Variants in TMEM255A observed in about 807,000 individuals in gnomAD.
The protein encoded by TMEM255A is family with sequence similarity 70, member A.
TMEM255A carries 14 observed loss-of-function variants against 23.5 expected under a neutral mutation model. The observed-to-expected ratio is 0.60, with a 90% confidence interval of 0.39 to 0.93. The LOEUF is 0.93. TMEM255A is among the 40% of genes least tolerant of loss of function. The probability of loss-of-function intolerance (pLI) is 0.00; values close to 1 mark genes in which losing one functional copy is unlikely to be tolerated. For synonymous variants in TMEM255A, 104 were observed against 100.3 expected, an observed-to-expected ratio of 1.04 and a Z score of -0.22; for missense variants, 233 against 261.7, an observed-to-expected ratio of 0.89 and a Z score of 0.76.
intron 3 of TMEM255A, 27 bp from the exon 4 acceptor site, chrX:120,291,367 T>C (rs782725674): frequency 8.6e-7 from 1 of 1,156,255 alleles, no homozygotes; most frequent in Non-Finnish European, 1.2e-6. Context: ...AACAAAAGCG[T>C]CTGTTAGCCT....
At chrX:120,255,567 T>G (rs1240381841), downstream of TMEM255A, 2 of 599,195 alleles carry the variant, frequency 3.3e-6, no homozygotes, top group African/African-American at 4.6e-5. Flanking sequence ...AGTGGGATTT[T>G]TGTTGATAAT....
chrX:120,308,806 A>G (rs2058080604), intron 1 of TMEM255A, among the ~76,000 whole-genome samples: 1 of 112,378 alleles, frequency 8.9e-6, no homozygotes, highest in Non-Finnish European at 1.9e-5. Flanking sequence ...TCAAATTACC[A>G]TCTTCTTAAT....
rs1216648951 is a variant in TMEM255A, at chrX:120,268,318, G to A, written c.745C>T (p.Pro249Ser). The A allele has an allele frequency of 8.3e-7, 1 of 1,208,391 alleles. No individual in the cohort carries two copies. Among genetic ancestry groups the A allele is most frequent in the Non-Finnish European group, 1.1e-6 (1 of 893,910 alleles). ...TAGGTATTGTAGGATGCCACTTGGGGATGAGCATAGTAAGAAACTGTTGGA... is the reference window on the plus strand; with the variant it reads ...TAGGTATTGTAGGATGCCACTTGGGAATGAGCATAGTAAGAAACTGTTGGA... ...THPTVSYYAH[P>S]QVASYNTYYH... The change falls in exon 8 of 9, where the codon CCC becomes TCC. Residue 249 changes from proline to serine, a missense_variant. Transcript: ENST00000371369.
chrX:120,303,623 C>A (rs2058046600), intron 2 of TMEM255A, among the ~76,000 whole-genome samples: 1 of 107,703 alleles, frequency 9.3e-6, no homozygotes, highest in African/African-American at 3.4e-5. Context: ...CAATGACAGT[C>A]TAATCATATG....
chrX:120,255,563 A>G, downstream of TMEM255A: 2 of 605,831 alleles, frequency 3.3e-6, no homozygotes, highest in Non-Finnish European at 5.0e-6. Flanking sequence ...GTGTAGTGGG[A>G]TTTTTGTTGA....
At chrX:120,288,664 A>G (rs1191771190) in intron 4 of TMEM255A, among the ~76,000 whole-genome samples, 1 of 112,067 alleles carries the variant, frequency 8.9e-6, no homozygotes, top group Admixed American at 9.4e-5. Flanking sequence ...AGAAAAGGTC[A>G]CTCAGCCAGG....
chrX:120,261,149 C>T (rs1466145077), intron 8 of TMEM255A, 121 bp from the exon 9 acceptor site: 1 of 932,716 alleles, frequency 1.1e-6, no homozygotes, highest in Non-Finnish European at 1.4e-6. Flanking sequence ...ACAGAGAGCT[C>T]CCAAACCTCA....
intron 4 of TMEM255A, 120 bp downstream of exon 4, chrX:120,291,131 G>GTCTTCTCCCTCTCAT: frequency 3.4e-6 from 2 of 580,784 alleles, no homozygotes; most frequent in Non-Finnish European, 2.8e-6. Flanking sequence ...AAGGGACTGT[G>GTCTTCTCCCTCTCAT]TCTTCTCCCT....
chrX:120,269,902 A>G (rs2057744512), intron 7 of TMEM255A, among the ~76,000 whole-genome samples: 1 of 112,454 alleles, frequency 8.9e-6, no homozygotes, highest in East Asian at 2.8e-4. Flanking sequence ...TCTTCTATCT[A>G]AATAAATTAA....
At chrX:120,276,320 A>G (rs1435262902) in intron 7 of TMEM255A, among the ~76,000 whole-genome samples, 25 of 112,028 alleles carry the variant, frequency 2.2e-4, no homozygotes, top group African/African-American at 7.1e-4. Flanking sequence ...GAAGAATGGA[A>G]AGTGGGGAGG....
chrX:120,288,056 C>A (rs2057889633), intron 4 of TMEM255A, among the ~76,000 whole-genome samples: 1 of 111,414 alleles, frequency 9.0e-6, no homozygotes, highest in Non-Finnish European at 1.9e-5. Flanking sequence ...CTTCCAAAGG[C>A]ACCTTAGGAC....
At chrX:120,277,688 T>C (rs1190185574) in intron 6 of TMEM255A, among the ~76,000 whole-genome samples, 1 of 112,463 alleles carries the variant, frequency 8.9e-6, no homozygotes. Context: ...AACTGGGACC[T>C]GAATTCAGGC....
intron 8 of TMEM255A, among the ~76,000 whole-genome samples, chrX:120,263,818 C>CG (rs1481511015): frequency 1.0e-5 from 1 of 97,184 alleles, no homozygotes; most frequent in Non-Finnish European, 2.1e-5. Context: ...GGGCGGGTGG[C>CG]GGGGGGAAGA....
chrX:120,292,083 C>T (rs2057919642), intron 3 of TMEM255A, among the ~76,000 whole-genome samples: 2 of 111,361 alleles, frequency 1.8e-5, no homozygotes, highest in Admixed American at 1.9e-4. Context: ...AACAGCAATC[C>T]TCCTGCCTCA....
intron 6 of TMEM255A, among the ~76,000 whole-genome samples, chrX:120,282,442 C>G (rs782129530): frequency 3.4e-4 from 38 of 111,904 alleles, no homozygotes; most frequent in Non-Finnish European, 4.3e-4. Context: ...TTTAGTAGGA[C>G]TGTTCCCATG....
chrX:120,254,823 G>A (rs782086829), downstream of TMEM255A: 9 of 1,210,335 alleles, frequency 7.4e-6, no homozygotes, highest in Admixed American at 6.5e-5. Context: ...GTCTGGCAGC[G>A]AGATGGCAAA....
Position 120,311,363 on chromosome X carries a change from C to A in TMEM255A, c.-54G>T. On this transcript the variant is annotated 5_prime_UTR_variant, in exon 1 of 9. Transcript: ENST00000371369. ...CCGAAGCTGCTTCAAGCGCCCCCGG[C>A]TCTGGGCGCCCCGCAGAGCATCCTA... 1 of 1,041,618 alleles carries A rather than the reference C, an allele frequency of 9.6e-7. No homozygotes were observed. Among genetic ancestry groups the A allele is most frequent in the Non-Finnish European group, 1.3e-6 (1 of 757,744 alleles). 85.8% of individuals were successfully genotyped at this position (1,041,618 alleles called of 1,213,427 possible).
Position 120,272,656 on chromosome X carries a change from T to C in TMEM255A, c.675+4229A>G, listed in dbSNP as rs191368050. Among the ~76,000 whole-genome samples, 308 of 111,725 alleles carry C rather than the reference T, an allele frequency of 2.8e-3. 1 individual carries two copies. The highest frequency in any genetic ancestry group is 9.4e-3 in the African/African-American group (288 of 30,660). ...GTGCCTGCTTCTCCTTCTGCCATGA[T>C]TGTAAGTTTCCTGAGGCCTTCTCAG... On this transcript the variant is annotated intron_variant, in intron 7 of 8. Coordinates refer to ENST00000371369, the MANE Select transcript of TMEM255A (RefSeq NM_001104544.3).
chrX:120,294,187 C>T, intron 2 of TMEM255A, 136 bp from the exon 3 acceptor site: 1 of 324,217 alleles, frequency 3.1e-6, no homozygotes. Context: ...GTAATCCCAG[C>T]ACTTTGGGAG....
Sources: allele counts gnomAD v4.1 joint callset (sites outside exome capture counted in the v4.1 genomes callset), GRCh38; gene constraint gnomAD v4.1.1; transcripts MANE v1.5; gene names NCBI Gene and HGNC (gene_info 2026-07-23, HGNC 2026-07-21).